The following SYT1 variants were observed in gnomAD, a reference collection of about 807,000 sequenced individuals.
SYT1 encodes the protein synaptotagmin 1, also known as synaptotagmin-1.
Under a neutral mutation model 44.8 loss-of-function variants are expected in SYT1, and 8 were observed. The ratio of observed to expected loss-of-function variants is 0.18; its 90% CI spans 0.10 to 0.32. SYT1 has a LOEUF of 0.32. SYT1 is among the 10% of genes least tolerant of loss of function. SYT1 has a pLI of 1.00. For synonymous variants in SYT1, 154 were observed against 188.8 expected (o/e 0.82, Z 1.51); for missense variants, 286 against 509.3 (o/e 0.56, Z 4.22).
intron 2 of SYT1, among the ~76,000 whole-genome samples, chr12:78,981,404 G>T (rs1195272413): frequency 6.6e-6 from 1 of 152,124 alleles, no homozygotes; most frequent in African/African-American, 2.4e-5. Flanking sequence ...GAGATTACAG[G>T]TGAGAGCCAC....
intron 3 of SYT1, among the ~76,000 whole-genome samples, chr12:79,177,035 C>CTTTTTT (rs5799413): frequency 1.4e-5 from 2 of 141,440 alleles, no homozygotes; most frequent in South Asian, 2.5e-4. Context: ...AAGCATATTT[C>CTTTTTT]TTTTTTTTTT....
At chr12:78,950,888 T>G (rs1355516855) in intron 1 of SYT1, among the ~76,000 whole-genome samples, 1 of 152,144 alleles carries the variant, frequency 6.6e-6, no homozygotes, top group Non-Finnish European at 1.5e-5. Context: ...GTTGCCATAG[T>G]GCTCTAGCCA....
At chr12:79,209,962 C>T (rs1874343450) in intron 3 of SYT1, among the ~76,000 whole-genome samples, 1 of 152,080 alleles carries the variant, frequency 6.6e-6, no homozygotes, top group South Asian at 2.1e-4. Context: ...TTTTCGACCT[C>T]CTCCTGTATG....
At chr12:79,437,587 C>T (rs1413929785) in intron 9 of SYT1, among the ~76,000 whole-genome samples, 1 of 152,144 alleles carries the variant, frequency 6.6e-6, no homozygotes, top group Non-Finnish European at 1.5e-5. Context: ...AAAGCTTGCC[C>T]ATTGGGGTCC....
intron 3 of SYT1, among the ~76,000 whole-genome samples, chr12:79,202,577 C>T (rs1873851617): frequency 6.6e-6 from 1 of 152,108 alleles, no homozygotes; most frequent in African/African-American, 2.4e-5. Context: ...CACTAAGAAA[C>T]ACATGGAGAT....
At chr12:79,091,934 A>G (rs988199394) in intron 3 of SYT1, among the ~76,000 whole-genome samples, 1 of 152,006 alleles carries the variant, frequency 6.6e-6, no homozygotes, top group African/African-American at 2.4e-5. Flanking sequence ...ATGATTAATC[A>G]TATAAGCTCA....
intron 9 of SYT1, among the ~76,000 whole-genome samples, chr12:79,420,221 A>T (rs1242643448): frequency 6.6e-6 from 1 of 152,124 alleles, no homozygotes; most frequent in African/African-American, 2.4e-5. Context: ...AATTTCCTAG[A>T]TGTATTAAAT....
chr12:79,121,703 G>A (rs566521258), intron 3 of SYT1, among the ~76,000 whole-genome samples: 21 of 152,274 alleles, frequency 1.4e-4, no homozygotes, highest in East Asian at 9.6e-4. Context: ...CACCAGAGGT[G>A]CTAATAGACA....
intron 1 of SYT1, among the ~76,000 whole-genome samples, chr12:78,955,101 T>C (rs1354659391): frequency 6.6e-6 from 1 of 152,182 alleles, no homozygotes; most frequent in Non-Finnish European, 1.5e-5. Context: ...TTATTTCTCC[T>C]ATAAAAGAAT....
intron 2 of SYT1, chr12:79,036,363 T>C (rs1469621448): frequency 2.0e-5 from 3 of 151,832 alleles, no homozygotes; most frequent in African/African-American, 7.3e-5. Context: ...CAGATGGGTA[T>C]TGAATTAGCT....
At chr12:78,966,702 G>C (rs986316318) in intron 1 of SYT1, among the ~76,000 whole-genome samples, 6 of 152,170 alleles carry the variant, frequency 3.9e-5, no homozygotes, top group African/African-American at 1.4e-4. Flanking sequence ...TCAGGCATGT[G>C]TGTTAATTTC....
At chr12:79,059,851 G>A (rs1235122011) in intron 3 of SYT1, among the ~76,000 whole-genome samples, 1 of 152,052 alleles carries the variant, frequency 6.6e-6, no homozygotes, top group African/African-American at 2.4e-5. Flanking sequence ...TTCCTGTGAA[G>A]TGCATTTTCA....
intron 8 of SYT1, among the ~76,000 whole-genome samples, chr12:79,320,322 T>A (rs958991499): frequency 6.6e-6 from 1 of 152,214 alleles, no homozygotes; most frequent in African/African-American, 2.4e-5. Context: ...CAAAACCAGA[T>A]AGTTACTAAA....
chr12:79,103,799 A>G (rs1314140205), intron 3 of SYT1, among the ~76,000 whole-genome samples: 2 of 152,090 alleles, frequency 1.3e-5, no homozygotes, highest in African/African-American at 2.4e-5. Flanking sequence ...GGCATTTTTC[A>G]TATGTGTGAA....
chr12:79,273,949 T>C (rs1878572319), intron 4 of SYT1, among the ~76,000 whole-genome samples: 1 of 152,142 alleles, frequency 6.6e-6, no homozygotes, highest in African/African-American at 2.4e-5. Flanking sequence ...CTGGCCGTGG[T>C]GGCACGCACT....
intron 1 of SYT1, among the ~76,000 whole-genome samples, chr12:78,931,238 A>AGGAAGGAAGGAAGGAAGGAAG (rs1187572734): frequency 2.4e-5 from 1 of 41,130 alleles, no homozygotes; most frequent in African/African-American, 1.1e-4. Context: ...AAAGAAAGAA[A>AGGAAGGAAGGAAGGAAGGAAG]GAAGGAAGGA....
intron 3 of SYT1, among the ~76,000 whole-genome samples, chr12:79,216,467 C>A (rs921750516): frequency 6.6e-6 from 1 of 152,104 alleles, no homozygotes; most frequent in East Asian, 1.9e-4. Context: ...GGAGAATATT[C>A]GTTCATTTCT....
intron 3 of SYT1, among the ~76,000 whole-genome samples, chr12:79,102,695 T>G (rs1878509769): frequency 6.6e-6 from 1 of 152,212 alleles, no homozygotes; most frequent in South Asian, 2.1e-4. Flanking sequence ...CGTGTGCAAC[T>G]GTTTGTATAA....
chr12:79,251,485 C>A (rs1402249350), intron 4 of SYT1, among the ~76,000 whole-genome samples: 1 of 152,126 alleles, frequency 6.6e-6, no homozygotes, highest in Non-Finnish European at 1.5e-5. Flanking sequence ...TCTAGATACT[C>A]CCTCACCCAG....
Sources: gnomAD v4.1 joint callset for allele counts (sites outside exome capture counted in the v4.1 genomes callset) on GRCh38, gnomAD v4.1.1 for gene constraint, MANE v1.5 for transcripts, NCBI Gene and HGNC (gene_info 2026-07-23, HGNC 2026-07-21) for gene names.